Variants in LSM3 observed in about 807,000 individuals in gnomAD.
LSM3 encodes the protein LSM3 homolog, U6 small nuclear RNA and mRNA degradation associated, also known as U6 snRNA-associated Sm-like protein LSm3.
LSM3 carries 14 observed loss-of-function variants against 15.4 expected under a neutral mutation model. The observed-to-expected ratio is 0.91, with a 90% confidence interval of 0.60 to 1.42. The LOEUF (loss-of-function observed/expected upper bound fraction) is 1.42. Among genes scored for constraint, LSM3 ranks in the 40% most tolerant of loss-of-function variants. The pLI, the probability that LSM3 is intolerant of heterozygous loss-of-function variation, is 0.00. For missense variants in LSM3, 88 were observed against 127.9 expected, an observed-to-expected ratio of 0.69 and a Z score of 1.50; for synonymous variants, 46 against 45.1, an observed-to-expected ratio of 1.02 and a Z score of -0.08.
rs758597896 is a variant in LSM3, at chr3:14,198,279, CT to C, written c.*165del. ...GAGTTGATTTGCAGATAACTCACAACTTCTTAAGCTAAATGGTATTTTCATT... is the reference window on the plus strand; with the variant it reads ...GAGTTGATTTGCAGATAACTCACAACTCTTAAGCTAAATGGTATTTTCATT... On this transcript the variant is annotated 3_prime_UTR_variant, in exon 4 of 4. Transcript: ENST00000306024. 89 of 580,108 alleles carry C rather than the reference CT, an allele frequency of 1.5e-4. No homozygotes were observed. The highest frequency in any genetic ancestry group is 2.5e-4 in the Non-Finnish European group (82 of 327,450). 35.9% of individuals were successfully genotyped at this position (580,108 alleles called of 1,614,324 possible). A position where few individuals can be genotyped will look rare whatever the true frequency, so the allele number is the denominator to read the frequency against.
intron 3 of LSM3, among the ~76,000 whole-genome samples, chr3:14,197,618 CAG>C (rs1056093852): frequency 6.6e-6 from 1 of 152,252 alleles, no homozygotes; most frequent in Non-Finnish European, 1.5e-5. Context: ...CTTCACCTAT[CAG>C]TGGCTCTGCC....
Position 14,184,138 on chromosome 3 carries a change from T to C in LSM3, c.228+106T>C, listed in dbSNP as rs371358532. The C allele has an allele frequency of 9.9e-4, 1,367 of 1,383,636 alleles. 27 individuals are homozygous for C. In the South Asian group the frequency reaches 0.02, roughly 20 times the overall value. The allele number at this position is 1,383,636 out of a possible 1,614,324, so 85.7% of individuals were successfully genotyped here. A position where few individuals can be genotyped will look rare whatever the true frequency, so the allele number is the denominator to read the frequency against. ...CCTGTCATGTTTTGACACCTACTTA[T>C]GGACTCAGTAGAGCATAGCAATTAA... is the stretch of plus-strand genomic sequence containing the variant. On this transcript the variant is annotated intron_variant, in intron 3 of 3. Transcript: ENST00000306024.
intron 3 of LSM3, among the ~76,000 whole-genome samples, chr3:14,189,543 C>T (rs1030604607): frequency 5.9e-5 from 9 of 152,174 alleles, no homozygotes; most frequent in Non-Finnish European, 2.9e-5. Flanking sequence ...TTGCATTTCT[C>T]TAATGACAGT....
intron 3 of LSM3, among the ~76,000 whole-genome samples, chr3:14,188,530 C>T (rs1467406637): frequency 6.6e-6 from 1 of 152,166 alleles, no homozygotes; most frequent in African/African-American, 2.4e-5. Flanking sequence ...ATCTTTACAC[C>T]CCACCCCCAG....
Position 14,183,923 on chromosome 3 carries a change from C to A in LSM3, c.133-14C>A. 1.9e-6 allele frequency: 3 copies of A among 1,585,226 alleles called. No homozygotes were observed. The highest frequency in any genetic ancestry group is 3.6e-5 in the Admixed American group (2 of 56,088). On this transcript the variant is annotated splice_polypyrimidine_tract_variant and intron_variant, in intron 2 of 3. Coordinates refer to ENST00000306024, the MANE Select transcript of LSM3 (RefSeq NM_014463.3). ...GATTATTAAATTTCTTGGTTCTGTACCCTCCCACTTTAGGCTTATGATCAA... is the reference window on the plus strand; with the variant it reads ...GATTATTAAATTTCTTGGTTCTGTAACCTCCCACTTTAGGCTTATGATCAA...
intron 3 of LSM3, among the ~76,000 whole-genome samples, chr3:14,195,878 C>A (rs1697182854): frequency 6.6e-6 from 1 of 152,032 alleles, no homozygotes; most frequent in African/African-American, 2.4e-5. Context: ...ACACTTGCCA[C>A]TGCCCAGCTG....
intron 1 of LSM3, among the ~76,000 whole-genome samples, chr3:14,180,801 C>T (rs1219771738): frequency 7.1e-6 from 1 of 140,358 alleles, no homozygotes; most frequent in South Asian, 2.3e-4. Flanking sequence ...TGCCTGACTC[C>T]AAAGCCAGTG....
At chr3:14,179,748 GTGAA>G (rs1696999908) in intron 1 of LSM3, among the ~76,000 whole-genome samples, 1 of 152,246 alleles carries the variant, frequency 6.6e-6, no homozygotes, top group African/African-American at 2.4e-5. Context: ...AAATATTTGA[GTGAA>G]TGAGTTAGAT....
At chr3:14,178,988 G>C in intron 1 of LSM3, 107 bp downstream of exon 1, 1 of 1,244,920 alleles carries the variant, frequency 8.0e-7, no homozygotes, top group Non-Finnish European at 1.2e-6. Flanking sequence ...AAGTCACCAT[G>C]GCCTAATCCA....
intron 2 of LSM3, among the ~76,000 whole-genome samples, chr3:14,182,606 G>A (rs1160469621): frequency 6.6e-6 from 1 of 152,030 alleles, no homozygotes; most frequent in Non-Finnish European, 1.5e-5. Flanking sequence ...TTAATGACTT[G>A]TTACTTTCCT....
chr3:14,179,218 A>G (rs1281050245), intron 1 of LSM3, among the ~76,000 whole-genome samples: 1 of 152,228 alleles, frequency 6.6e-6, no homozygotes, highest in Non-Finnish European at 1.5e-5. Context: ...ACAATTATTT[A>G]TTCATTCAGC....
At position 14,184,060 on chromosome 3, in the gene LSM3, T is replaced by G. The variant is rs1026602814; in HGVS notation, c.228+28T>G. 8 of 1,588,348 alleles carry G rather than the reference T, an allele frequency of 5.0e-6. No individual in the cohort carries two copies. In the African/African-American group the frequency reaches 9.5e-5, roughly 19 times the overall value. ...AAGTCATGCAATTCTATTCATTGCT[T>G]TGCAAATATCAGCTGTTCTCTCTCG... On this transcript the variant is annotated intron_variant, in intron 3 of 3. Transcript: ENST00000306024.
At chr3:14,185,389 G>A (rs144639786) in intron 3 of LSM3, among the ~76,000 whole-genome samples, 6 of 152,058 alleles carry the variant, frequency 3.9e-5, no homozygotes, top group African/African-American at 7.2e-5. Context: ...AACCTATCAC[G>A]TGTTACTGTA....
intron 3 of LSM3, among the ~76,000 whole-genome samples, chr3:14,193,617 T>G (rs1490828519): frequency 6.6e-6 from 1 of 152,254 alleles, no homozygotes; most frequent in African/African-American, 2.4e-5. Context: ...GCTATGTTTT[T>G]CAGCTCCATC....
At chr3:14,182,296 C>A (rs1574987245) in intron 2 of LSM3, among the ~76,000 whole-genome samples, 1 of 151,900 alleles carries the variant, frequency 6.6e-6, no homozygotes, top group East Asian at 1.9e-4. Flanking sequence ...TACACCCTAC[C>A]TCTACAAAAC....
In LSM3 at chr3:14,199,294, G is replaced by A. The variant is rs1446180617; in HGVS notation, c.*1178G>A. ...CAGCACATAATGCTTAAAACCTAAA[G>A]AGGAAAGTAAAAGCGTGTTACAATC... On this transcript the variant is annotated 3_prime_UTR_variant, in exon 4 of 4. Transcript: ENST00000306024. The A allele has an allele frequency of 6.6e-6, 1 of 152,196 alleles. No individual in the cohort carries two copies. Among genetic ancestry groups the A allele is most frequent in the Admixed American group, 6.5e-5 (1 of 15,278 alleles). 9.4% of individuals were successfully genotyped at this position (152,196 alleles called of 1,614,324 possible).
chr3:14,185,363 AAAC>A (rs1451009368), intron 3 of LSM3, among the ~76,000 whole-genome samples: 2 of 144,464 alleles, frequency 1.4e-5, no homozygotes, highest in African/African-American at 5.0e-5. Context: ...AAACAAAACA[AAAC>A]AAAACAAAAA....
chr3:14,185,182 C>T (rs1005078812), intron 3 of LSM3, among the ~76,000 whole-genome samples: 2 of 152,044 alleles, frequency 1.3e-5, no homozygotes, highest in Non-Finnish European at 2.9e-5. Flanking sequence ...AAAACCCTGT[C>T]TCTACTAAAA....
rs996146491 is a variant in LSM3 at position 14,200,261 on chromosome 3, A to G, written c.*2145A>G. 5.9e-5 allele frequency: 9 copies of G among 152,186 alleles called. No homozygotes were observed. The highest frequency in any genetic ancestry group is 1.2e-4 in the Non-Finnish European group (8 of 68,016). The allele number at this position is 152,186 out of a possible 1,614,324, so 9.4% of individuals were successfully genotyped here. A position where few individuals can be genotyped will look rare whatever the true frequency, so the allele number is the denominator to read the frequency against. On this transcript the variant is annotated 3_prime_UTR_variant, in exon 4 of 4. Transcript: ENST00000306024. ...AAGGTTAACTGCAGAATAGCCACCTATGTGTCAGGAAATGGAGGGAGGGGA... is the reference window on the plus strand; with the variant it reads ...AAGGTTAACTGCAGAATAGCCACCTGTGTGTCAGGAAATGGAGGGAGGGGA...
Sources: allele counts gnomAD v4.1 joint callset (sites outside exome capture counted in the v4.1 genomes callset), GRCh38; gene constraint gnomAD v4.1.1; transcripts MANE v1.5; gene names NCBI Gene and HGNC (gene_info 2026-07-23, HGNC 2026-07-21).